Variants in GALNTL5 observed in about 807,000 individuals in gnomAD.
The protein encoded by GALNTL5 is inactive polypeptide N-acetylgalactosaminyltransferase-like protein 5.
In GALNTL5, 44 loss-of-function variants were observed where a neutral mutation model predicts 51.0. The ratio of observed to expected loss-of-function variants is 0.86; its 90% CI spans 0.68 to 1.11. The LOEUF (loss-of-function observed/expected upper bound fraction) is 1.11, where lower values mean the gene tolerates loss of function less well. Among genes scored for constraint, GALNTL5 ranks in the 50% least tolerant of loss-of-function variants. The probability of loss-of-function intolerance (pLI) is 0.00; values close to 1 mark genes in which losing one functional copy is unlikely to be tolerated. For missense variants in GALNTL5, 528 were observed against 531.8 expected, an observed-to-expected ratio of 0.99 and a Z score of 0.07; for synonymous variants, 192 against 182.8, an observed-to-expected ratio of 1.05 and a Z score of -0.41.
intron 5 of GALNTL5, among the ~76,000 whole-genome samples, chr7:151,998,928 A>T (rs1283576325): frequency 6.6e-6 from 1 of 152,216 alleles, no homozygotes; most frequent in Non-Finnish European, 1.5e-5. Context: ...CATAAAACTG[A>T]TCATTTAAAA....
chr7:151,995,335 T>G, intron 5 of GALNTL5: 1 of 132,624 alleles, frequency 7.5e-6, no homozygotes, highest in Admixed American at 8.4e-5. Flanking sequence ...AAATCTACGA[T>G]CAGTTGGTAT....
At chr7:151,981,241 T>C (rs916867893) in intron 3 of GALNTL5, among the ~76,000 whole-genome samples, 1 of 152,128 alleles carries the variant, frequency 6.6e-6, no homozygotes, top group Non-Finnish European at 1.5e-5. Context: ...ACTAAAGAAG[T>C]GGAAAAAGCC....
At chr7:151,965,535 A>G (rs1323475221) in intron 1 of GALNTL5, among the ~76,000 whole-genome samples, 1 of 152,168 alleles carries the variant, frequency 6.6e-6, no homozygotes, top group Non-Finnish European at 1.5e-5. Context: ...GCTCAATCAA[A>G]TCACATCATT....
chr7:151,971,020 G>A lies in GALNTL5; in HGVS notation c.323G>A (p.Arg108Lys). Residue 108 changes from arginine to lysine, a missense_variant, in exon 3 of 9, where the codon AGA becomes AAA. Arg to Lys is a conservative substitution (Grantham distance 26). Coordinates refer to ENST00000392800, the MANE Select transcript of GALNTL5 (RefSeq NM_145292.4). Reference protein sequence around the residue: ...LKYGFNVIISRSLGIEREVPD... With the variant: ...LKYGFNVIISKSLGIEREVPD... ...TATGGATTTAATGTGATTATCAGTA[G>A]AAGCTTGGGCATCGAAAGAGAAGTG... 6.2e-7 allele frequency: 1 copy of A among 1,611,526 alleles called. No homozygotes were observed. Among genetic ancestry groups the A allele is most frequent in the Non-Finnish European group, 8.5e-7 (1 of 1,178,182 alleles).
At chr7:151,959,152 TTGTC>T (rs1379219676) in intron 1 of GALNTL5, among the ~76,000 whole-genome samples, 1 of 152,178 alleles carries the variant, frequency 6.6e-6, no homozygotes, top group East Asian at 1.9e-4. Flanking sequence ...GCCTAGGAAT[TTGTC>T]TGTCTCCTGT....
intron 7 of GALNTL5, among the ~76,000 whole-genome samples, chr7:152,011,216 C>A (rs1184631028): frequency 6.6e-6 from 1 of 152,236 alleles, no homozygotes; most frequent in Non-Finnish European, 1.5e-5. Flanking sequence ...CCATCTGAGG[C>A]CGGCAATGTA....
In GALNTL5 at chr7:151,983,066, T is replaced by C; in HGVS notation, c.449T>C (p.Leu150Ser). The C allele has an allele frequency of 1.9e-6, 3 of 1,614,176 alleles. No individual in the cohort carries two copies. The highest frequency in any genetic ancestry group is 2.2e-5 in the South Asian group (2 of 91,086). Residue 150 changes from leucine (L) to serine (S), a missense_variant, in exon 4 of 9, where the codon TTG becomes TCG. Physicochemically the swap from Leu to Ser is moderately radical, Grantham distance 145. Transcript: ENST00000392800. ...ICFYNEECNA[L>S]FQTMSSVTNL... ...TTCTATAATGAAGAATGTAATGCCT[T>C]GTTTCAGACCATGTCCAGTGTCACG...
At chr7:152,018,358 CTGTT>C (rs969653850) in intron 8 of GALNTL5, among the ~76,000 whole-genome samples, 9 of 152,102 alleles carry the variant, frequency 5.9e-5, no homozygotes, top group South Asian at 2.1e-4. Flanking sequence ...TATAGCTGAA[CTGTT>C]TGTTTGTTTG....
intron 4 of GALNTL5, 58 bp downstream of exon 4, chr7:151,983,210 C>T (rs1262666816): frequency 2.1e-6 from 3 of 1,453,648 alleles, no homozygotes; most frequent in South Asian, 2.3e-5. Flanking sequence ...TGAGATTTCC[C>T]TCTGTCACCC....
chr7:152,019,653 TTTTTCTTCGAAAGCCTGGTC>T lies in GALNTL5; in HGVS notation c.1186_1205del (p.Phe396GlufsTer13), dbSNP rs2081864472. 6.2e-7 allele frequency: 1 copy of T among 1,609,858 alleles called. No homozygotes were observed. The stretch of plus-strand genomic sequence containing the variant: ...CTCTATATTTTCATTTAGGAGCAGT[TTTTTCTTCGAAAGCCTGGTC>T]TGAAATATGTCACCTACGGAAATAT... On this transcript the variant is annotated frameshift_variant, in exon 9 of 9. Transcript: ENST00000392800. LOFTEE classifies it high-confidence loss of function.
At chr7:152,017,854 T>G (rs2081838851) in intron 8 of GALNTL5, among the ~76,000 whole-genome samples, 1 of 152,094 alleles carries the variant, frequency 6.6e-6, no homozygotes, top group Admixed American at 6.6e-5. Context: ...TTTTTTTTTT[T>G]CTTTCTTTTG....
rs144716309 is a variant in GALNTL5 at position 152,019,709 on chromosome 7, G to A, written c.1240G>A (p.Val414Ile). 1 of 1,613,558 alleles carries A rather than the reference G, an allele frequency of 6.2e-7. No homozygotes were observed. Residue 414 changes from valine (V) to isoleucine (I), a missense_variant, in exon 9 of 9, where the codon GTT (valine) becomes ATT (isoleucine). Coordinates refer to ENST00000392800, the MANE Select transcript of GALNTL5 (RefSeq NM_145292.4). ...CACCTACGGAAATATTCGCGAGCGT[G>A]TTGAGTTAAGGAAACGACTGGGTTG... ...YVTYGNIRER[V>I]ELRKRLGCKS...
intron 3 of GALNTL5, among the ~76,000 whole-genome samples, chr7:151,981,130 A>C (rs2081279728): frequency 6.6e-6 from 1 of 152,076 alleles, no homozygotes; most frequent in African/African-American, 2.4e-5. Flanking sequence ...TGGGCCAGTG[A>C]ATCTTTTCCA....
At chr7:151,980,737 ATTTTT>A (rs61288964) in intron 3 of GALNTL5, among the ~76,000 whole-genome samples, 4 of 98,960 alleles carry the variant, frequency 4.0e-5, no homozygotes, top group Middle Eastern at 7.0e-3. Flanking sequence ...GCTAACAATG[ATTTTT>A]TTTTTTTTTT....
At chr7:152,017,212 A>G (rs1291297860) in intron 8 of GALNTL5, among the ~76,000 whole-genome samples, 1 of 152,094 alleles carries the variant, frequency 6.6e-6, no homozygotes, top group Non-Finnish European at 1.5e-5. Context: ...CCCATTGCAC[A>G]CCTTGGCTAT....
At position 152,019,889 on chromosome 7, in the gene GALNTL5, C is replaced by T. The variant is rs2081869469; in HGVS notation, c.*88C>T. The stretch of plus-strand genomic sequence containing the variant: ...TCACAAGAGTGTAAGTTTGGAACAT[C>T]GTGGAATTACGTGAAATGCAATTAA... On this transcript the variant is annotated 3_prime_UTR_variant, in exon 9 of 9. Coordinates refer to ENST00000392800, the MANE Select transcript of GALNTL5 (RefSeq NM_145292.4). The T allele has an allele frequency of 3.7e-6, 4 of 1,070,824 alleles. No homozygotes were observed. The highest frequency in any genetic ancestry group is 1.6e-5 in the African/African-American group (1 of 61,970). The allele number at this position is 1,070,824 out of a possible 1,614,324, so 66.3% of individuals were successfully genotyped here. A position where few individuals can be genotyped will look rare whatever the true frequency, so the allele number is the denominator to read the frequency against.
intron 8 of GALNTL5, among the ~76,000 whole-genome samples, chr7:152,018,569 A>G (rs2081848750): frequency 6.6e-6 from 1 of 152,164 alleles, no homozygotes; most frequent in African/African-American, 2.4e-5. Flanking sequence ...TTAAAGGGAT[A>G]TGACGTGTTA....
At chr7:152,013,056 G>A (rs115258893) in intron 7 of GALNTL5, among the ~76,000 whole-genome samples, 2,143 of 152,242 alleles carry the variant, frequency 0.014, 56 homozygotes, top group African/African-American at 0.049. Flanking sequence ...CAAAGTGGGT[G>A]GAGCTGGAGG....
intron 3 of GALNTL5, among the ~76,000 whole-genome samples, chr7:151,982,110 C>A (rs970063385): frequency 2.6e-5 from 4 of 151,850 alleles, no homozygotes; most frequent in African/African-American, 9.7e-5. Context: ...TGCACACACA[C>A]AAAAAAATAA....
Sources: gnomAD v4.1 joint callset for allele counts (sites outside exome capture counted in the v4.1 genomes callset) on GRCh38, gnomAD v4.1.1 for gene constraint, MANE v1.5 for transcripts, NCBI Gene and HGNC (gene_info 2026-07-23, HGNC 2026-07-21) for gene names.